The following IFT74 variants were observed in gnomAD, a reference collection of about 807,000 sequenced individuals.
IFT74 encodes the protein intraflagellar transport protein 74 homolog.
Under a neutral mutation model 96.7 loss-of-function variants are expected in IFT74, and 92 were observed. The ratio of observed to expected loss-of-function variants is 0.95; its 90% CI spans 0.80 to 1.13. IFT74 has a LOEUF of 1.13. IFT74 is among the 50% of genes most tolerant of loss of function. The probability of loss-of-function intolerance (pLI) is 0.00; values close to 1 mark genes in which losing one functional copy is unlikely to be tolerated. For synonymous variants in IFT74, 223 were observed against 213.2 expected, an observed-to-expected ratio of 1.05 and a Z score of -0.40; for missense variants, 811 against 698.2, an observed-to-expected ratio of 1.16 and a Z score of -1.82.
At chr9:26,966,095 G>T (rs1205491511) in intron 2 of IFT74, among the ~76,000 whole-genome samples, 3 of 151,884 alleles carry the variant, frequency 2.0e-5, no homozygotes, top group African/African-American at 7.3e-5. Flanking sequence ...TTGATGGACA[G>T]TCAGGTTTTT....
chr9:27,062,033 G>A (rs1205062880), intron 19 of IFT74, among the ~76,000 whole-genome samples: 1 of 152,112 alleles, frequency 6.6e-6, no homozygotes, highest in Non-Finnish European at 1.5e-5. Flanking sequence ...TGACTCAGTG[G>A]CAGCATAGGT....
chr9:27,038,088 T>A (rs116477068), intron 13 of IFT74, among the ~76,000 whole-genome samples: 1 of 152,190 alleles, frequency 6.6e-6, no homozygotes, highest in African/African-American at 2.4e-5. Context: ...TACAGTGTCA[T>A]GGATTTATGG....
intron 18 of IFT74, among the ~76,000 whole-genome samples, chr9:27,058,607 C>T (rs192015283): frequency 1.1e-3 from 160 of 151,012 alleles, no homozygotes; most frequent in Admixed American, 2.1e-3. Flanking sequence ...AGGCTGGTCT[C>T]GAACTCCTGA....
chr9:27,012,061 T>G, intron 10 of IFT74, 93 bp downstream of exon 10: 1 of 717,424 alleles, frequency 1.4e-6, no homozygotes, highest in Non-Finnish European at 2.2e-6. Flanking sequence ...AACTACATAT[T>G]GATCTGGCAG....
At chr9:27,049,146 C>T (rs1312532572) in intron 16 of IFT74, among the ~76,000 whole-genome samples, 1 of 152,176 alleles carries the variant, frequency 6.6e-6, no homozygotes, top group African/African-American at 2.4e-5. Context: ...CTGAGGCCCT[C>T]ACCAGAAGCA....
intron 2 of IFT74, among the ~76,000 whole-genome samples, chr9:26,969,371 T>C (rs975291765): frequency 6.6e-6 from 1 of 152,030 alleles, no homozygotes; most frequent in African/African-American, 2.4e-5. Flanking sequence ...TTTGAAGATG[T>C]ATGTATAGCT....
At chr9:27,037,229 A>C (rs1455324592) in intron 13 of IFT74, among the ~76,000 whole-genome samples, 2 of 151,798 alleles carry the variant, frequency 1.3e-5, no homozygotes, top group East Asian at 3.9e-4. Context: ...TCAAAAAAAA[A>C]AAAAAAAAAA....
chr9:27,036,746 G>C (rs909893383), intron 13 of IFT74: 30 of 1,215,942 alleles, frequency 2.5e-5, no homozygotes, highest in Non-Finnish European at 3.1e-5. Flanking sequence ...GACTAAGAGA[G>C]AGCGTAAAGT....
chr9:27,009,522 T>C (rs2131601849), intron 9 of IFT74, among the ~76,000 whole-genome samples: 1 of 152,312 alleles, frequency 6.6e-6, no homozygotes, highest in Admixed American at 6.5e-5. Context: ...TTGATAAAAA[T>C]ACTTGTCTGT....
intron 6 of IFT74, among the ~76,000 whole-genome samples, chr9:26,986,043 G>T (rs1329669301): frequency 6.6e-6 from 1 of 152,140 alleles, no homozygotes; most frequent in Admixed American, 6.5e-5. Context: ...TCTAGTGTCA[G>T]AATTTTCTTT....
chr9:27,040,380 GTC>G (rs1209781979), intron 13 of IFT74, among the ~76,000 whole-genome samples: 4 of 151,888 alleles, frequency 2.6e-5, no homozygotes, highest in African/African-American at 9.7e-5. Flanking sequence ...GTGAAACCCT[GTC>G]TCTGCTAAAA....
intron 8 of IFT74, chr9:26,994,914 C>G (rs1289107652): frequency 1.3e-5 from 2 of 152,332 alleles, no homozygotes; most frequent in African/African-American, 2.4e-5. Context: ...TTCTTTATAA[C>G]CAGAATCAAT....
intron 9 of IFT74, among the ~76,000 whole-genome samples, chr9:27,010,110 C>T (rs1828983616): frequency 1.3e-5 from 2 of 152,040 alleles, no homozygotes; most frequent in South Asian, 2.1e-4. Flanking sequence ...GCCTCAGCCT[C>T]CCAAGTAGTT....
At chr9:26,966,986 A>T (rs867705740) in intron 2 of IFT74, among the ~76,000 whole-genome samples, 5 of 150,778 alleles carry the variant, frequency 3.3e-5, no homozygotes, top group African/African-American at 9.8e-5. Flanking sequence ...AGATATATGG[A>T]TTTATTTCTG....
chr9:26,962,160 C>T lies in IFT74; in HGVS notation c.120+73C>T, dbSNP rs995188319. On this transcript the variant is annotated intron_variant, in intron 2 of 19. Transcript: ENST00000380062. ...ACCACTTGAGTCCAGGAGACTGGGGCTTCAGTGAACTCTGATCATGCCACT... is the reference window on the plus strand; with the variant it reads ...ACCACTTGAGTCCAGGAGACTGGGGTTTCAGTGAACTCTGATCATGCCACT... 4 of 1,458,196 alleles carry T rather than the reference C, an allele frequency of 2.7e-6. No homozygotes were observed. The African/African-American group carries it at 5.6e-5, about 20-fold the overall frequency. 90.3% of individuals were successfully genotyped at this position (1,458,196 alleles called of 1,614,324 possible). A position where few individuals can be genotyped will look rare whatever the true frequency, so the allele number is the denominator to read the frequency against.
At position 27,060,543 on chromosome 9, in the gene IFT74, T is replaced by C. The variant is rs759004896; in HGVS notation, c.1624-48T>C. On this transcript the variant is annotated intron_variant, in intron 18 of 19. Coordinates refer to ENST00000380062, the MANE Select transcript of IFT74 (RefSeq NM_025103.4). ...CTTATCCTCTTAGAAAGGCATTTAA[T>C]TGTTTTAAATATGGGTCCTAATTAA... 4.7e-6 allele frequency: 6 copies of C among 1,263,536 alleles called. No individual in the cohort carries two copies. In the South Asian group the frequency reaches 7.0e-5, roughly 15 times the overall value. The allele number at this position is 1,263,536 out of a possible 1,614,324, so 78.3% of individuals were successfully genotyped here. A position where few individuals can be genotyped will look rare whatever the true frequency, so the allele number is the denominator to read the frequency against.
upstream of IFT74, among the ~76,000 whole-genome samples, chr9:26,955,407 G>C (rs1826049487): frequency 6.6e-6 from 1 of 152,134 alleles, no homozygotes. Context: ...TTTGAGTTGA[G>C]TCCACCAAAT....
intron 2 of IFT74, among the ~76,000 whole-genome samples, chr9:26,970,510 T>C (rs1705774340): frequency 6.6e-6 from 1 of 152,236 alleles, no homozygotes; most frequent in African/African-American, 2.4e-5. Context: ...TTTTAATGTG[T>C]ACAGTTTTAA....
chr9:26,971,688 C>T (rs1826884792), intron 2 of IFT74, among the ~76,000 whole-genome samples: 1 of 152,074 alleles, frequency 6.6e-6, no homozygotes. Context: ...ATTTTGATGC[C>T]CTGGGACATG....
Sources: gnomAD v4.1 joint callset for allele counts (sites outside exome capture counted in the v4.1 genomes callset) on GRCh38, gnomAD v4.1.1 for gene constraint, MANE v1.5 for transcripts, NCBI Gene and HGNC (gene_info 2026-07-23, HGNC 2026-07-21) for gene names.